DAG1: variants seen among roughly 807,000 people sequenced by gnomAD.
The protein encoded by DAG1 is dystroglycan 1.
Under a neutral mutation model 46.1 loss-of-function variants are expected in DAG1, and 8 were observed. The observed-to-expected ratio is 0.17, with a 90% CI of 0.10 to 0.31. DAG1 has a LOEUF of 0.31. Among genes scored for constraint, DAG1 ranks in the 10% least tolerant of loss-of-function variants. The pLI, the probability that DAG1 is intolerant of heterozygous loss-of-function variation, is 1.00. For missense variants in DAG1, 1,003 were observed against 1,189.9 expected (o/e 0.84, Z 2.31); for synonymous variants, 495 against 481.8 (o/e 1.03, Z -0.36).
In DAG1 at chr3:49,479,701, G is replaced by A. The variant is rs552414940; in HGVS notation, c.-117+9268G>A. Among the ~76,000 whole-genome samples the A allele has an allele frequency of 8.5e-4, 106 of 124,834 alleles. 1 individual carries two copies. The South Asian group carries it at 0.011, about 13-fold the overall frequency. The allele number at this position is 124,834 out of a possible 152,430, so 81.9% of individuals were successfully genotyped here. A position where few individuals can be genotyped will look rare whatever the true frequency, so the allele number is the denominator to read the frequency against. On this transcript the variant is annotated intron_variant, in intron 1 of 2. Coordinates refer to ENST00000308775, the MANE Select transcript of DAG1 (RefSeq NM_004393.6). ...CACCTGGGCTGGAGTGCAGTGGCTC[G>A]ATCTCTGCTCACTGCAACCTCCGCC...
rs964421213 is a variant in DAG1, at chr3:49,534,332, C to T, written c.*1133C>T. 2 of 152,614 alleles carry T rather than the reference C, an allele frequency of 1.3e-5. No individual in the cohort carries two copies. The highest frequency in any genetic ancestry group is 2.9e-5 in the Non-Finnish European group (2 of 68,042). 9.5% of individuals were successfully genotyped at this position (152,614 alleles called of 1,614,324 possible). A position where few individuals can be genotyped will look rare whatever the true frequency, so the allele number is the denominator to read the frequency against. ...CGCTTTGTCCTAACAGTCCACAGTC[C>T]TGCCCCGACCCACCCCATCCCTTTT... On this transcript the variant is annotated 3_prime_UTR_variant, in exon 3 of 3. Coordinates refer to ENST00000308775, the MANE Select transcript of DAG1 (RefSeq NM_004393.6).
intron 2 of DAG1, among the ~76,000 whole-genome samples, chr3:49,527,174 G>A (rs1260160320): frequency 1.3e-5 from 2 of 150,832 alleles, no homozygotes; most frequent in Non-Finnish European, 2.9e-5. Flanking sequence ...GGCAGATCAC[G>A]AGGTCGGGAG....
chr3:49,490,880 C>CT (rs972440561), intron 1 of DAG1, among the ~76,000 whole-genome samples: 3,084 of 87,848 alleles, frequency 0.035, 83 homozygotes, highest in African/African-American at 0.053. Flanking sequence ...CTCCTAAATT[C>CT]TTTTTTTTTT....
At chr3:49,501,996 G>A (rs1339884778) in intron 1 of DAG1, among the ~76,000 whole-genome samples, 2 of 152,114 alleles carry the variant, frequency 1.3e-5, no homozygotes, top group African/African-American at 2.4e-5. Flanking sequence ...GGGTAATATA[G>A]TCTGTATCTC....
At chr3:49,491,265 C>T (rs2050174979) in intron 1 of DAG1, among the ~76,000 whole-genome samples, 1 of 151,510 alleles carries the variant, frequency 6.6e-6, no homozygotes, top group Non-Finnish European at 1.5e-5. Flanking sequence ...CTGCCTCAGC[C>T]TCCCGAAATG....
At chr3:49,525,472 C>T (rs1559573548) in intron 2 of DAG1, among the ~76,000 whole-genome samples, 1 of 152,076 alleles carries the variant, frequency 6.6e-6, no homozygotes, top group Non-Finnish European at 1.5e-5. Flanking sequence ...CCTCAGGAAG[C>T]TTCCAATCAT....
intron 1 of DAG1, among the ~76,000 whole-genome samples, chr3:49,489,647 A>G (rs1476788867): frequency 6.6e-6 from 1 of 152,176 alleles, no homozygotes; most frequent in Non-Finnish European, 1.5e-5. Context: ...ACATAGCTCA[A>G]TGTAGTAATT....
At chr3:49,528,839 A>G (rs959467886) in intron 2 of DAG1, among the ~76,000 whole-genome samples, 5 of 151,510 alleles carry the variant, frequency 3.3e-5, no homozygotes, top group African/African-American at 1.2e-4. Flanking sequence ...TAACCCTGAT[A>G]ATAATAACGC....
chr3:49,472,837 A>T (rs1340616799), intron 1 of DAG1, among the ~76,000 whole-genome samples: 1 of 151,096 alleles, frequency 6.6e-6, no homozygotes, highest in Non-Finnish European at 1.5e-5. Flanking sequence ...CTTTATCTCC[A>T]GGCAGGGCGT....
At chr3:49,521,658 C>T (rs2051030615) in intron 2 of DAG1, among the ~76,000 whole-genome samples, 1 of 152,114 alleles carries the variant, frequency 6.6e-6, no homozygotes, top group Non-Finnish European at 1.5e-5. Context: ...GTTGCCCAGG[C>T]TGATGGTGTT....
chr3:49,486,190 A>T (rs1057432877), intron 1 of DAG1, among the ~76,000 whole-genome samples: 5 of 74,896 alleles, frequency 6.7e-5, no homozygotes, highest in South Asian at 3.1e-4. Context: ...TTTTTCTTTT[A>T]TTTATTTATT....
intron 1 of DAG1, chr3:49,488,758 A>G (rs1301537887): frequency 2.0e-5 from 3 of 152,080 alleles, no homozygotes; most frequent in African/African-American, 4.8e-5. Flanking sequence ...GCGTGCCACT[A>G]TGACCATCTA....
chr3:49,478,431 C>CAA (rs35324265), intron 1 of DAG1, among the ~76,000 whole-genome samples: 29,315 of 63,516 alleles, frequency 0.46, 7,505 homozygotes, highest in East Asian at 0.92. Context: ...CCTGTCTCTA[C>CAA]AAAAAATAAA....
In DAG1 at chr3:49,534,178, C is replaced by T. The variant is rs370029879; in HGVS notation, c.*979C>T. 13 of 152,424 alleles carry T rather than the reference C, an allele frequency of 8.5e-5. No homozygotes were observed. The East Asian group carries it at 2.1e-3, about 25-fold the overall frequency. The allele number at this position is 152,424 out of a possible 1,614,324, so 9.4% of individuals were successfully genotyped here. On this transcript the variant is annotated 3_prime_UTR_variant, in exon 3 of 3. Transcript: ENST00000308775. Reference sequence around the variant, plus strand: ...CAACCTATTTTGTTTTACCCTTTTTCTGTGCATTGTTTTTTTTTTTCCTCC... The same window carrying T: ...CAACCTATTTTGTTTTACCCTTTTTTTGTGCATTGTTTTTTTTTTTCCTCC...
chr3:49,499,595 T>G (rs1240551378), intron 1 of DAG1, among the ~76,000 whole-genome samples: 1 of 152,220 alleles, frequency 6.6e-6, no homozygotes, highest in Non-Finnish European at 1.5e-5. Context: ...CTCATAGCTC[T>G]GGGGAGGCAG....
At chr3:49,501,473 T>G (rs779847283) in intron 1 of DAG1, among the ~76,000 whole-genome samples, 1 of 152,152 alleles carries the variant, frequency 6.6e-6, no homozygotes, top group Non-Finnish European at 1.5e-5. Context: ...CCACAACTTA[T>G]AGTCTTGTGG....
intron 1 of DAG1, among the ~76,000 whole-genome samples, chr3:49,507,904 TGAGAG>T (rs2050651151): frequency 1.3e-5 from 2 of 152,098 alleles, no homozygotes; most frequent in African/African-American, 4.8e-5. Flanking sequence ...TTGTATTTTT[TGAGAG>T]GAATCTGTTC....
chr3:49,510,317 C>T, intron 1 of DAG1, 102 bp from the exon 2 acceptor site: 1 of 607,602 alleles, frequency 1.6e-6, no homozygotes, highest in Non-Finnish European at 2.9e-6. Context: ...GAGGCTTGAT[C>T]CAACTCGGGG....
chr3:49,517,302 C>T (rs894386346), intron 2 of DAG1, among the ~76,000 whole-genome samples: 4 of 152,098 alleles, frequency 2.6e-5, no homozygotes, highest in Non-Finnish European at 5.9e-5. Flanking sequence ...CCCCAAGAGG[C>T]TTCTTGAGCC....
Sources: allele counts gnomAD v4.1 joint callset (sites outside exome capture counted in the v4.1 genomes callset), GRCh38; gene constraint gnomAD v4.1.1; transcripts MANE v1.5; gene names NCBI Gene and HGNC (gene_info 2026-07-23, HGNC 2026-07-21).